Variants in PRUNE1 observed in about 807,000 individuals in gnomAD.
PRUNE1 encodes prune exopolyphosphatase 1, also known as exopolyphosphatase PRUNE1.
A neutral mutation model predicts 42.5 loss-of-function variants in PRUNE1; 25 were observed. The observed-to-expected ratio is 0.59, with a 90% CI of 0.43 to 0.82. The LOEUF is 0.82. PRUNE1 is among the 40% of genes least tolerant of loss of function. PRUNE1 has a pLI of 0.00. For synonymous variants in PRUNE1, 203 were observed against 217.1 expected, an observed-to-expected ratio of 0.93 and a Z score of 0.57; for missense variants, 443 against 539.3, an observed-to-expected ratio of 0.82 and a Z score of 1.77.
intron 1 of PRUNE1, among the ~76,000 whole-genome samples, chr1:151,014,885 A>G (rs1674001741): frequency 1.3e-5 from 2 of 152,208 alleles, no homozygotes; most frequent in Admixed American, 6.5e-5. Flanking sequence ...TGCACAGGAC[A>G]GCCTCCACAA....
chr1:151,018,435 T>A, intron 2 of PRUNE1, 32 bp from the exon 3 acceptor site: 1 of 1,554,454 alleles, frequency 6.4e-7, no homozygotes, highest in Non-Finnish European at 8.9e-7. Context: ...TTATAAAACC[T>A]TGTGATACCT....
rs187129712 is a variant in PRUNE1 at position 151,021,894 on chromosome 1, C to T, written c.336-2717C>T. ...TGTTGGTCAGGCTGGTCTTCAACTC[C>T]TGACCTCAGGTGATCCGCCCACCTC... On this transcript the variant is annotated intron_variant, in intron 3 of 7. Coordinates refer to ENST00000271620, the MANE Select transcript of PRUNE1 (RefSeq NM_021222.3). Among the ~76,000 whole-genome samples the T allele has an allele frequency of 1.7e-3, 252 of 151,540 alleles. 2 individuals are homozygous for T. The highest frequency in any genetic ancestry group is 0.01 in the Middle Eastern group (3 of 294).
chr1:151,027,793 T>C (rs958846029), intron 6 of PRUNE1, among the ~76,000 whole-genome samples: 7 of 148,106 alleles, frequency 4.7e-5, no homozygotes, highest in Admixed American at 3.3e-4. Context: ...CGCGCGCGTG[T>C]ATGTATGTGT....
intron 3 of PRUNE1, among the ~76,000 whole-genome samples, chr1:151,023,280 A>G (rs587745411): frequency 1.3e-5 from 2 of 152,214 alleles, no homozygotes; most frequent in East Asian, 3.8e-4. Context: ...TTAAGAGACT[A>G]CTGGAATAGT....
intron 1 of PRUNE1, among the ~76,000 whole-genome samples, chr1:151,014,764 GC>G (rs1355461738): frequency 6.6e-6 from 1 of 152,118 alleles, no homozygotes; most frequent in Admixed American, 6.6e-5. Flanking sequence ...GGGCAGTTTT[GC>G]CCCCCAGGGA....
Position 151,027,219 on chromosome 1 carries a change from C to T in PRUNE1, c.680-14C>T, listed in dbSNP as rs768024983. 1 of 1,582,198 alleles carries T rather than the reference C, an allele frequency of 6.3e-7. No homozygotes were observed. Among genetic ancestry groups the T allele is most frequent in the Non-Finnish European group, 8.7e-7 (1 of 1,151,492 alleles). On this transcript the variant is annotated splice_polypyrimidine_tract_variant and intron_variant, in intron 5 of 7. Coordinates refer to ENST00000271620, the MANE Select transcript of PRUNE1 (RefSeq NM_021222.3). ...CTACCCTGTTTGACCCCTAGTCTCT[C>T]ATCTGCTTTCTAGGACTGACCACTG... is the stretch of plus-strand genomic sequence containing the variant.
In PRUNE1 at chr1:151,008,512, G is replaced by T; in HGVS notation, c.-121G>T. The T allele has an allele frequency of 7.4e-7, 1 of 1,357,846 alleles. No individual in the cohort carries two copies. The highest frequency in any genetic ancestry group is 1.0e-6 in the Non-Finnish European group (1 of 953,646). 84.1% of individuals were successfully genotyped at this position (1,357,846 alleles called of 1,614,324 possible). ...TCGCCGTGTGGCGGGTTCGAGTCCCGCCTCCTGACTCTGGCCTCTAGTCCC... is the reference window on the plus strand; with the variant it reads ...TCGCCGTGTGGCGGGTTCGAGTCCCTCCTCCTGACTCTGGCCTCTAGTCCC... On this transcript the variant is annotated 5_prime_UTR_variant, in exon 1 of 8. Transcript: ENST00000271620.
chr1:151,021,077 G>A (rs587769634), intron 3 of PRUNE1, among the ~76,000 whole-genome samples: 8 of 149,908 alleles, frequency 5.3e-5, no homozygotes, highest in African/African-American at 2.0e-4. Context: ...AACCTAGGAG[G>A]TGGAGGTTGC....
At chr1:151,028,720 G>C in intron 6 of PRUNE1, 66 bp from the exon 7 acceptor site, 1 of 1,548,360 alleles carries the variant, frequency 6.5e-7, no homozygotes, top group Non-Finnish European at 8.8e-7. Context: ...ACCGTGCCCG[G>C]CCCAAGGATG....
intron 7 of PRUNE1, among the ~76,000 whole-genome samples, chr1:151,030,219 C>T (rs1348852387): frequency 6.7e-6 from 1 of 148,848 alleles, no homozygotes; most frequent in Non-Finnish European, 1.5e-5. Flanking sequence ...GCCGAGATTG[C>T]GCCACTGTAC....
At chr1:151,012,121 A>G (rs1673809038) in intron 1 of PRUNE1, among the ~76,000 whole-genome samples, 1 of 151,344 alleles carries the variant, frequency 6.6e-6, no homozygotes, top group Non-Finnish European at 1.5e-5. Context: ...AAAAGTTTGT[A>G]TTTATTTACT....
intron 7 of PRUNE1, among the ~76,000 whole-genome samples, chr1:151,032,181 G>T (rs1202082657): frequency 6.6e-6 from 1 of 151,380 alleles, no homozygotes; most frequent in Non-Finnish European, 1.5e-5. Context: ...GGAGGCGAAG[G>T]TTGCAGTGAG....
rs587718966 is a variant in PRUNE1 at position 151,014,553 on chromosome 1, G to A, written c.40-3259G>A. Among the ~76,000 whole-genome samples, 10 of 152,358 alleles carry A rather than the reference G, an allele frequency of 6.6e-5. No homozygotes were observed. The South Asian group carries it at 1.9e-3, about 28-fold the overall frequency. On this transcript the variant is annotated intron_variant, in intron 1 of 7. Transcript: ENST00000271620. ...TGGGGGAAGAGAAGAGTGATAGCCT[G>A]TATAGGGAAGATGATTCTAGGTTTC...
intron 5 of PRUNE1, among the ~76,000 whole-genome samples, chr1:151,025,952 G>A (rs1428915930): frequency 6.6e-6 from 1 of 151,792 alleles, no homozygotes; most frequent in African/African-American, 2.4e-5. Flanking sequence ...TGTTGACCAG[G>A]CTGGTCTTGA....
At chr1:151,024,522 C>T in intron 3 of PRUNE1, 89 bp from the exon 4 acceptor site, 1 of 1,251,696 alleles carries the variant, frequency 8.0e-7, no homozygotes, top group East Asian at 2.3e-5. Context: ...CTGCATTTTC[C>T]TTGATGTGTG....
chr1:151,021,193 G>T (rs930077549), intron 3 of PRUNE1, among the ~76,000 whole-genome samples: 2 of 150,834 alleles, frequency 1.3e-5, no homozygotes, highest in African/African-American at 2.4e-5. Flanking sequence ...GGTGGCTCAC[G>T]CCTGTAATCC....
chr1:151,029,804 T>C (rs587764101), intron 7 of PRUNE1, among the ~76,000 whole-genome samples: 8 of 152,182 alleles, frequency 5.3e-5, no homozygotes, highest in Admixed American at 1.3e-4. Flanking sequence ...CCTTGAAAAT[T>C]AGAAATACGA....
chr1:151,014,263 G>A (rs1455555711), intron 1 of PRUNE1, among the ~76,000 whole-genome samples: 1 of 152,218 alleles, frequency 6.6e-6, no homozygotes, highest in African/African-American at 2.4e-5. Context: ...ACAGGCGTAA[G>A]CCACCGCGCC....
At chr1:151,031,177 G>T (rs1236064966) in intron 7 of PRUNE1, among the ~76,000 whole-genome samples, 13 of 133,058 alleles carry the variant, frequency 9.8e-5, no homozygotes, top group Non-Finnish European at 1.1e-4. Context: ...TTTTGTTTTT[G>T]TGTGTGTGTG....
Sources: gnomAD v4.1 joint callset for allele counts (sites outside exome capture counted in the v4.1 genomes callset) on GRCh38, gnomAD v4.1.1 for gene constraint, MANE v1.5 for transcripts, NCBI Gene and HGNC (gene_info 2026-07-23, HGNC 2026-07-21) for gene names.